Variants in CDHR3 observed in about 807,000 individuals in gnomAD.
CDHR3 encodes the protein cadherin related family member 3.
CDHR3 carries 79 observed loss-of-function variants against 86.6 expected under a neutral mutation model. That is an observed-to-expected ratio of 0.91 (90% CI 0.76 to 1.10). CDHR3 has a LOEUF of 1.10. Ranked by LOEUF, CDHR3 falls within the 50% of genes least tolerant of loss-of-function variation. The pLI, the probability that CDHR3 is intolerant of heterozygous loss-of-function variation, is 0.00. For synonymous variants in CDHR3, 421 were observed against 402.4 expected, an observed-to-expected ratio of 1.05 and a Z score of -0.55; for missense variants, 1,081 against 1,077.6, an observed-to-expected ratio of 1.00 and a Z score of -0.04.
At chr7:105,974,060 A>G (rs767381013) in intron 1 of CDHR3, among the ~76,000 whole-genome samples, 14 of 152,358 alleles carry the variant, frequency 9.2e-5, no homozygotes, top group Non-Finnish European at 1.9e-4. Context: ...GAAGGCTGAG[A>G]GAATACAGCT....
chr7:105,987,859 G>A (rs2115714290), intron 4 of CDHR3, among the ~76,000 whole-genome samples: 1 of 152,264 alleles, frequency 6.6e-6, no homozygotes, highest in Middle Eastern at 3.4e-3. Flanking sequence ...AAATATCTTA[G>A]GCAATTATTC....
chr7:106,032,592 T>G lies in CDHR3; in HGVS notation c.2553T>G (p.Asp851Glu), dbSNP rs368148291. 4.3e-6 allele frequency: 7 copies of G among 1,613,838 alleles called. No homozygotes were observed. In the African/African-American group the frequency reaches 9.3e-5, roughly 22 times the overall value. ...TGAGTGGCAAAGCGTGGGCTGAGGATGCTGGTCTGGGTTCCAGAAATGAGG... is the reference window on the plus strand; with the variant it reads ...TGAGTGGCAAAGCGTGGGCTGAGGAGGCTGGTCTGGGTTCCAGAAATGAGG... ...DELSGKAWAE[D>E]AGLGSRNEGG... Residue 851 changes from aspartate to glutamate, a missense_variant, in exon 19 of 19, where the codon GAT becomes GAG. By Grantham distance (45) the Asp-to-Glu change is conservative. Transcript: ENST00000317716.
intron 7 of CDHR3, among the ~76,000 whole-genome samples, chr7:106,003,979 C>G (rs1217490368): frequency 2.8e-5 from 2 of 72,386 alleles, no homozygotes; most frequent in East Asian, 6.0e-4. Flanking sequence ...CTAAGGTAAA[C>G]CAACCTAACC....
chr7:106,021,267 G>A (rs1055998815), intron 13 of CDHR3, among the ~76,000 whole-genome samples: 6 of 152,078 alleles, frequency 3.9e-5, no homozygotes, highest in African/African-American at 1.2e-4. Flanking sequence ...ACAATTCCAC[G>A]TGAGAGAGTA....
At chr7:105,991,872 G>T (rs1192793900) in intron 4 of CDHR3, among the ~76,000 whole-genome samples, 1 of 152,186 alleles carries the variant, frequency 6.6e-6, no homozygotes, top group Non-Finnish European at 1.5e-5. Context: ...ACCAGGCATT[G>T]TTCTAGCACT....
chr7:106,015,615 C>T (rs1451328470), intron 10 of CDHR3, among the ~76,000 whole-genome samples: 1 of 152,166 alleles, frequency 6.6e-6, no homozygotes, highest in East Asian at 1.9e-4. Context: ...TATACCTTGG[C>T]ATTTTTGCAT....
intron 4 of CDHR3, among the ~76,000 whole-genome samples, chr7:105,984,799 A>G (rs1009173188): frequency 6.6e-6 from 1 of 152,130 alleles, no homozygotes; most frequent in Non-Finnish European, 1.5e-5. Flanking sequence ...AAGAGGCCAG[A>G]TGCAGCGGCT....
intron 12 of CDHR3, 50 bp downstream of exon 12, chr7:106,018,122 G>C (rs1285108164): frequency 6.8e-7 from 1 of 1,465,692 alleles, no homozygotes; most frequent in South Asian, 1.2e-5. Flanking sequence ...GGTTGACTTA[G>C]GGTCTCTCTG....
At position 106,018,851 on chromosome 7, in the gene CDHR3, A is replaced by T. The variant is rs183639231; in HGVS notation, c.1653+779A>T. 2.8e-3 allele frequency among the ~76,000 whole-genome samples: 427 copies of T among 151,744 alleles called. 1 individual carries two copies. The highest frequency in any genetic ancestry group is 9.9e-3 in the African/African-American group (409 of 41,334). On this transcript the variant is annotated intron_variant, in intron 12 of 18. Transcript: ENST00000317716. Reference sequence around the variant, plus strand: ...CTGCTATCTTGCTTCCCAACCTTTGAGGCTGAGAATGTTGTTACAGGCAGA... The same window carrying T: ...CTGCTATCTTGCTTCCCAACCTTTGTGGCTGAGAATGTTGTTACAGGCAGA...
intron 10 of CDHR3, among the ~76,000 whole-genome samples, chr7:106,015,548 C>T (rs2115853743): frequency 6.6e-6 from 1 of 152,174 alleles, no homozygotes; most frequent in South Asian, 2.1e-4. Flanking sequence ...TCCAAGCCCC[C>T]ATTTTTTTCC....
chr7:106,030,484 C>T lies in CDHR3; in HGVS notation c.2305-308C>T, dbSNP rs144186778. Among the ~76,000 whole-genome samples the T allele has an allele frequency of 3.7e-4, 57 of 152,326 alleles. 1 individual carries two copies. In the South Asian group the frequency reaches 5.6e-3, roughly 15 times the overall value. On this transcript the variant is annotated intron_variant, in intron 17 of 18. Transcript: ENST00000317716. This position sits in a 1 kb window ranked among gnomAD's most constrained non-coding sequence, Gnocchi z 4.8. ...AGATTTTATTTACTCAGGATGCTTC[C>T]TTAACCCCCAAGTGTGGTTTAAATG... is the stretch of plus-strand genomic sequence containing the variant.
intron 2 of CDHR3, among the ~76,000 whole-genome samples, chr7:105,979,496 C>T (rs886617959): frequency 6.6e-6 from 1 of 152,212 alleles, no homozygotes; most frequent in African/African-American, 2.4e-5. Context: ...ACCAACTCCT[C>T]TACGAAGCCT....
intron 17 of CDHR3, among the ~76,000 whole-genome samples, chr7:106,029,183 G>A (rs1322034525): frequency 2.0e-5 from 3 of 152,070 alleles, no homozygotes; most frequent in Non-Finnish European, 4.4e-5. Flanking sequence ...GTTTCACCAT[G>A]TTGGCCAGGC....
chr7:106,017,800 C>T (rs1319896617), intron 11 of CDHR3, 46 bp from the exon 12 acceptor site: 1 of 1,463,914 alleles, frequency 6.8e-7, no homozygotes, highest in Non-Finnish European at 9.4e-7. Flanking sequence ...TCATCCTTCT[C>T]TACCCCTTAA....
intron 17 of CDHR3, 64 bp downstream of exon 17, chr7:106,028,646 C>T (rs1837749514): frequency 1.3e-5 from 20 of 1,575,254 alleles, no homozygotes; most frequent in Non-Finnish European, 1.6e-5. Context: ...CCGTCTCCCC[C>T]GAAGGCAGGC....
chr7:106,012,766 G>A (rs1458323309), intron 8 of CDHR3, 94 bp from the exon 9 acceptor site: 15 of 1,330,460 alleles, frequency 1.1e-5, no homozygotes, highest in Admixed American at 9.6e-5. Context: ...TTGAATTGCA[G>A]TTAAAGTAGA....
chr7:106,005,150 C>G (rs996197670), intron 8 of CDHR3, among the ~76,000 whole-genome samples: 1 of 152,124 alleles, frequency 6.6e-6, no homozygotes, highest in Admixed American at 6.6e-5. Context: ...TAAATCAAAC[C>G]AAGTACTTAG....
intron 3 of CDHR3, among the ~76,000 whole-genome samples, chr7:105,983,340 G>A (rs1830049574): frequency 6.6e-6 from 1 of 152,146 alleles, no homozygotes; most frequent in Non-Finnish European, 1.5e-5. Flanking sequence ...TTTTAATTTC[G>A]ATTCTATCAT....
intron 9 of CDHR3, 140 bp from the exon 10 acceptor site, chr7:106,014,971 C>T: frequency 1.6e-6 from 1 of 616,380 alleles, no homozygotes; most frequent in Non-Finnish European, 2.8e-6. Flanking sequence ...TTTTAAAGCT[C>T]CTAATTTTTA....
Sources: gnomAD v4.1 joint callset for allele counts (sites outside exome capture counted in the v4.1 genomes callset) on GRCh38, gnomAD v4.1.1 for gene constraint, Gnocchi (gnomAD v3.1) non-coding constraint, MANE v1.5 for transcripts, NCBI Gene and HGNC (gene_info 2026-07-23, HGNC 2026-07-21) for gene names.